Variants in SYT1 observed in about 807,000 individuals in gnomAD.
The protein encoded by SYT1 is synaptotagmin-1.
Under a neutral mutation model 44.8 loss-of-function variants are expected in SYT1, and 8 were observed. The observed-to-expected ratio is 0.18, with a 90% CI of 0.10 to 0.32. SYT1 has a LOEUF of 0.32. SYT1 is among the 10% of genes least tolerant of loss of function. The pLI is 1.00. For missense variants in SYT1, 286 were observed against 509.3 expected, an observed-to-expected ratio of 0.56 and a Z score of 4.22; for synonymous variants, 154 against 188.8, an observed-to-expected ratio of 0.82 and a Z score of 1.51.
chr12:79,202,874 T>C (rs1431769590), intron 3 of SYT1, among the ~76,000 whole-genome samples: 1 of 152,192 alleles, frequency 6.6e-6, no homozygotes, highest in Admixed American at 6.5e-5. Flanking sequence ...ATTCAATTCA[T>C]ATTTATCCAG....
intron 3 of SYT1, among the ~76,000 whole-genome samples, chr12:79,088,766 G>GTA (rs1877567418): frequency 6.6e-6 from 1 of 150,936 alleles, no homozygotes; most frequent in Non-Finnish European, 1.5e-5. Context: ...GTGTGTGTGT[G>GTA]TGTGTGTGTG....
At chr12:79,246,105 T>G (rs910438707) in intron 4 of SYT1, among the ~76,000 whole-genome samples, 11 of 152,114 alleles carry the variant, frequency 7.2e-5, no homozygotes, top group Non-Finnish European at 1.5e-5. Flanking sequence ...TTTTTACTAG[T>G]ATTTTAATCA....
At chr12:79,364,788 G>A (rs978322924) in intron 9 of SYT1, among the ~76,000 whole-genome samples, 1 of 152,096 alleles carries the variant, frequency 6.6e-6, no homozygotes. Flanking sequence ...AACAAAAAGA[G>A]CCGAATGCAC....
intron 1 of SYT1, among the ~76,000 whole-genome samples, chr12:78,910,683 C>A (rs934067421): frequency 1.3e-5 from 2 of 151,852 alleles, no homozygotes; most frequent in Non-Finnish European, 2.9e-5. Flanking sequence ...ATAATTATTG[C>A]AAAAACACGC....
intron 4 of SYT1, among the ~76,000 whole-genome samples, chr12:79,239,213 C>T (rs529706179): frequency 6.6e-6 from 1 of 152,306 alleles, no homozygotes; most frequent in South Asian, 2.1e-4. Context: ...TTACCACAAG[C>T]TATTCCTCTG....
At chr12:78,921,366 A>G (rs540899255) in intron 1 of SYT1, among the ~76,000 whole-genome samples, 2 of 152,098 alleles carry the variant, frequency 1.3e-5, no homozygotes, top group African/African-American at 4.8e-5. Context: ...TAACAACTAT[A>G]TATACACTTA....
At chr12:79,096,334 A>T (rs1235695838) in intron 3 of SYT1, among the ~76,000 whole-genome samples, 1 of 151,984 alleles carries the variant, frequency 6.6e-6, no homozygotes, top group Admixed American at 6.6e-5. Flanking sequence ...TTGTGTCTGC[A>T]GCCCCTCTGA....
intron 4 of SYT1, among the ~76,000 whole-genome samples, chr12:79,223,313 C>T (rs928366752): frequency 6.6e-6 from 1 of 152,254 alleles, no homozygotes; most frequent in Non-Finnish European, 1.5e-5. Flanking sequence ...AAGCCCAGGA[C>T]AGTTGCAGCC....
intron 1 of SYT1, among the ~76,000 whole-genome samples, chr12:78,878,970 A>G (rs767024511): frequency 6.6e-6 from 1 of 151,718 alleles, no homozygotes; most frequent in Non-Finnish European, 1.5e-5. Flanking sequence ...ATTTCTTACC[A>G]GCAATTATCT....
At position 79,328,876 on chromosome 12, in the gene SYT1, A is replaced by G. The variant is rs1254252056; in HGVS notation, c.811-24626A>G. ...AAAAAAAAAAAATTACTCACAAAGA[A>G]ATCATAAAACCATGTTTTTTTCTTT... On this transcript the variant is annotated intron_variant, in intron 8 of 10. Coordinates refer to ENST00000261205, the MANE Select transcript of SYT1 (RefSeq NM_005639.3). Among the ~76,000 whole-genome samples, 3 of 152,118 alleles carry G rather than the reference A, an allele frequency of 2.0e-5. No homozygotes were observed. In the East Asian group the frequency reaches 5.8e-4, roughly 29 times the overall value.
chr12:79,222,766 C>G (rs1477366765), intron 4 of SYT1, among the ~76,000 whole-genome samples: 1 of 152,076 alleles, frequency 6.6e-6, no homozygotes, highest in Non-Finnish European at 1.5e-5. Context: ...TGATGCTGTC[C>G]CATAAATCCC....
chr12:79,197,808 G>A (rs1312810056), intron 3 of SYT1, among the ~76,000 whole-genome samples: 3 of 152,140 alleles, frequency 2.0e-5, no homozygotes, highest in African/African-American at 7.2e-5. Context: ...TGGCAGAAAT[G>A]TTCTAGAGTG....
chr12:78,989,925 CT>C (rs1340182337), intron 2 of SYT1, among the ~76,000 whole-genome samples: 1 of 152,072 alleles, frequency 6.6e-6, no homozygotes, highest in Non-Finnish European at 1.5e-5. Context: ...TCTTCATCCT[CT>C]CTGTATAAAA....
chr12:79,302,676 T>G (rs1880205109), intron 8 of SYT1, among the ~76,000 whole-genome samples: 1 of 152,106 alleles, frequency 6.6e-6, no homozygotes, highest in African/African-American at 2.4e-5. Flanking sequence ...CTGGTGAGGT[T>G]TCCATTTGGC....
At chr12:79,371,394 A>C (rs1293811592) in intron 9 of SYT1, among the ~76,000 whole-genome samples, 1 of 152,216 alleles carries the variant, frequency 6.6e-6, no homozygotes, top group Admixed American at 6.5e-5. Context: ...GTTGACTCAC[A>C]ATGAATACTC....
chr12:78,913,530 T>C (rs1415620362), intron 1 of SYT1, among the ~76,000 whole-genome samples: 1 of 151,826 alleles, frequency 6.6e-6, no homozygotes, highest in Non-Finnish European at 1.5e-5. Context: ...TCTCCAATTG[T>C]TTAACTGAAA....
intron 4 of SYT1, among the ~76,000 whole-genome samples, chr12:79,251,924 T>C (rs1877234497): frequency 6.6e-6 from 1 of 151,794 alleles, no homozygotes; most frequent in African/African-American, 2.4e-5. Context: ...TTTATTTTTT[T>C]TTCCAATAAC....
At chr12:79,109,842 A>G (rs139178101) in intron 3 of SYT1, among the ~76,000 whole-genome samples, 37 of 152,244 alleles carry the variant, frequency 2.4e-4, no homozygotes, top group Admixed American at 2.4e-3. Flanking sequence ...TTAAAAGTAA[A>G]TTCCAACCAC....
intron 3 of SYT1, among the ~76,000 whole-genome samples, chr12:79,197,286 G>A (rs1156687268): frequency 5.3e-5 from 8 of 152,048 alleles, no homozygotes; most frequent in African/African-American, 1.2e-4. Flanking sequence ...AAAATATGAC[G>A]CAACTTGGAG....
Sources: gnomAD v4.1 joint callset for allele counts (sites outside exome capture counted in the v4.1 genomes callset) on GRCh38, gnomAD v4.1.1 for gene constraint, MANE v1.5 for transcripts, NCBI Gene and HGNC (gene_info 2026-07-23, HGNC 2026-07-21) for gene names.